The following RPL34 variants were observed in gnomAD, a reference collection of about 807,000 sequenced individuals.
RPL34 encodes the protein ribosomal protein L34.
RPL34 carries 2 observed loss-of-function variants against 16.3 expected under a neutral mutation model. The observed-to-expected ratio is 0.12, with a 90% CI of 0.05 to 0.39. The LOEUF (loss-of-function observed/expected upper bound fraction) is 0.39, where lower values mean the gene tolerates loss of function less well. Ranked by LOEUF, RPL34 falls within the 10% of genes least tolerant of loss-of-function variation. The pLI is 0.99. For missense variants in RPL34, 82 were observed against 148.8 expected, an observed-to-expected ratio of 0.55 and a Z score of 2.33; for synonymous variants, 47 against 48.5, an observed-to-expected ratio of 0.97 and a Z score of 0.13.
At chr4:108,623,491 C>A (rs1046255241) in intron 4 of RPL34, among the ~76,000 whole-genome samples, 13 of 152,166 alleles carry the variant, frequency 8.5e-5, no homozygotes, top group Admixed American at 7.9e-4. Context: ...CTCACTGTAA[C>A]CTCCGCCTCC....
At chr4:108,629,606 C>G (rs1023338618), downstream of RPL34, among the ~76,000 whole-genome samples, 1 of 152,132 alleles carries the variant, frequency 6.6e-6, no homozygotes, top group Non-Finnish European at 1.5e-5. Flanking sequence ...ATGTGTGTGA[C>G]AAAGTATTCT....
In RPL34 at chr4:108,622,018, C is replaced by T; in HGVS notation, c.59C>T (p.Thr20Ile). 6.2e-7 allele frequency: 1 copy of T among 1,611,582 alleles called. No homozygotes were observed. The highest frequency in any genetic ancestry group is 8.5e-7 in the Non-Finnish European group (1 of 1,177,970). ...TCCTACAATACAGCCTCTAACAAAA[C>T]TAGGCTGTAAGTATTTCTGAAAATT... ...RLSYNTASNKTRLSRTPGNRI... is the reference protein window; with the variant it reads ...RLSYNTASNKIRLSRTPGNRI... The change falls in exon 2 of 5, where the codon ACT becomes ATT. Residue 20 changes from threonine (T) to isoleucine (I), a missense_variant. Physicochemically the swap from Thr to Ile is moderately conservative, Grantham distance 89. Coordinates refer to ENST00000394667, the MANE Select transcript of RPL34 (RefSeq NM_001319236.2).
At position 108,620,581 on chromosome 4, in the gene RPL34, T is replaced by A. The variant is rs934191834; in HGVS notation, c.-29T>A. 1 of 317,536 alleles carries A rather than the reference T, an allele frequency of 3.1e-6. No individual in the cohort carries two copies. Among genetic ancestry groups the A allele is most frequent in the East Asian group, 8.3e-5 (1 of 11,984 alleles). 19.7% of individuals were successfully genotyped at this position (317,536 alleles called of 1,614,324 possible). A position where few individuals can be genotyped will look rare whatever the true frequency, so the allele number is the denominator to read the frequency against. On this transcript the variant is annotated 5_prime_UTR_variant, in exon 1 of 5. Transcript: ENST00000394667. The stretch of plus-strand genomic sequence containing the variant: ...CTGGCAAAGGCTTTTTTCTTCCTCT[T>A]CCGGGGACGTTGTCTGCAGGTATGG...
At chr4:108,620,623 C>G (rs1399323177) in intron 1 of RPL34, 23 bp downstream of exon 1, 1 of 282,152 alleles carries the variant, frequency 3.5e-6, no homozygotes, top group Non-Finnish European at 7.2e-6. Flanking sequence ...TTCTCTTTTC[C>G]CTGTCTTTAT....
chr4:108,627,048 T>G (rs1033932989), downstream of RPL34, among the ~76,000 whole-genome samples: 3 of 151,946 alleles, frequency 2.0e-5, no homozygotes, highest in Non-Finnish European at 4.4e-5. Context: ...GACCATCCTG[T>G]CTAGCACGGT....
At chr4:108,621,851 A>AAGGAT (rs1230511406) in intron 1 of RPL34, 100 bp from the exon 2 acceptor site, 1 of 779,716 alleles carries the variant, frequency 1.3e-6, no homozygotes, top group East Asian at 2.5e-5. Context: ...TGTTACATAC[A>AAGGAT]AGGATATGTA....
Position 108,622,525 on chromosome 4 carries a change from T to G in RPL34, c.176T>G (p.Val59Gly), listed in dbSNP as rs770736535. ...CPGRLRGVRA[V>G]RPKVLMRLSK... ...ATTTTTCTTATGCAGGTTCGTGCTG[T>G]AAGACCTAAAGTTCTTATGAGATTG... The change falls in exon 4 of 5, where the codon GTA (valine) becomes GGA (glycine). Residue 59 changes from valine to glycine, a missense_variant. Transcript: ENST00000394667. 1 of 1,610,252 alleles carries G rather than the reference T, an allele frequency of 6.2e-7. No homozygotes were observed. The highest frequency in any genetic ancestry group is 1.1e-5 in the South Asian group (1 of 90,392).
At chr4:108,624,583 A>G (rs1402665159) in intron 4 of RPL34, among the ~76,000 whole-genome samples, 2 of 152,224 alleles carry the variant, frequency 1.3e-5, no homozygotes, top group Admixed American at 6.5e-5. Context: ...TCCCTGTTAA[A>G]TACGTGTGAA....
chr4:108,625,914 C>T (rs983888701), downstream of RPL34, among the ~76,000 whole-genome samples: 3 of 152,160 alleles, frequency 2.0e-5, no homozygotes, highest in South Asian at 6.2e-4. Flanking sequence ...CCTTGGTATT[C>T]TAGTTCCTTG....
intron 1 of RPL34, chr4:108,621,596 C>T (rs1725775273): frequency 3.9e-6 from 1 of 255,730 alleles, no homozygotes; most frequent in African/African-American, 2.2e-5. Flanking sequence ...AAGGATTCGA[C>T]TTCAGAGCTC....
At chr4:108,623,899 A>G (rs556498466) in intron 4 of RPL34, among the ~76,000 whole-genome samples, 1 of 152,362 alleles carries the variant, frequency 6.6e-6, no homozygotes, top group South Asian at 2.1e-4. Flanking sequence ...AATAACTAGG[A>G]ATGGCATTTG....
intron 4 of RPL34, among the ~76,000 whole-genome samples, chr4:108,624,861 G>A (rs1725938536): frequency 1.3e-5 from 2 of 151,950 alleles, no homozygotes; most frequent in Admixed American, 6.5e-5. Flanking sequence ...ATAAATTAGA[G>A]CTCTCATAAG....
At chr4:108,626,411 T>C (rs57049164), downstream of RPL34, among the ~76,000 whole-genome samples, 5,667 of 151,274 alleles carry the variant, frequency 0.037, 153 homozygotes, top group African/African-American at 0.074. Flanking sequence ...ATTACAGGCA[T>C]GAGCCATTCT....
chr4:108,625,001 G>A (rs1391722745), intron 4 of RPL34, 127 bp from the exon 5 acceptor site: 15 of 639,808 alleles, frequency 2.3e-5, no homozygotes, highest in Non-Finnish European at 4.2e-5. Context: ...CTGTATTTGT[G>A]TATCCTGTAG....
downstream of RPL34, among the ~76,000 whole-genome samples, chr4:108,628,728 T>C (rs1208177240): frequency 6.6e-6 from 1 of 152,204 alleles, no homozygotes; most frequent in Non-Finnish European, 1.5e-5. Context: ...GAATTCTTGG[T>C]ATGTTAAATG....
downstream of RPL34, among the ~76,000 whole-genome samples, chr4:108,627,367 G>C (rs1029146611): frequency 9.9e-5 from 15 of 152,166 alleles, no homozygotes; most frequent in East Asian, 2.7e-3. Flanking sequence ...TGGGCAGCTT[G>C]GCAAGACCCT....
chr4:108,624,917 G>A (rs1366369394), intron 4 of RPL34, among the ~76,000 whole-genome samples: 1 of 152,138 alleles, frequency 6.6e-6, no homozygotes, highest in Non-Finnish European at 1.5e-5. Context: ...GACTCAGAAG[G>A]AGGACAGATA....
intron 1 of RPL34, 70 bp from the exon 2 acceptor site, chr4:108,621,881 A>C: frequency 9.9e-7 from 1 of 1,011,364 alleles, no homozygotes; most frequent in Admixed American, 1.7e-5. Flanking sequence ...AATAGACCAC[A>C]TGATACTGTT....
At chr4:108,623,935 T>C (rs761990063) in intron 4 of RPL34, among the ~76,000 whole-genome samples, 6 of 152,164 alleles carry the variant, frequency 3.9e-5, no homozygotes, top group African/African-American at 7.2e-5. Flanking sequence ...GATGGGCAAA[T>C]TTTGGACAAA....
Sources: allele counts gnomAD v4.1 joint callset (sites outside exome capture counted in the v4.1 genomes callset), GRCh38; gene constraint gnomAD v4.1.1; transcripts MANE v1.5; gene names NCBI Gene and HGNC (gene_info 2026-07-23, HGNC 2026-07-21).